The following ZNF277 variants were observed in gnomAD, a reference collection of about 807,000 sequenced individuals.
ZNF277 encodes nuclear receptor-interacting factor 4.
ZNF277 carries 55 observed loss-of-function variants against 60.7 expected under a neutral mutation model. The observed-to-expected ratio is 0.91, with a 90% CI of 0.73 to 1.13. The LOEUF (loss-of-function observed/expected upper bound fraction) is 1.13, where lower values mean the gene tolerates loss of function less well. ZNF277 is among the 50% of genes most tolerant of loss of function. The pLI is 0.00. For missense variants in ZNF277, 510 were observed against 523.0 expected, an observed-to-expected ratio of 0.98 and a Z score of 0.24; for synonymous variants, 178 against 179.3, an observed-to-expected ratio of 0.99 and a Z score of 0.06.
chr7:112,301,263 A>G (rs1371106624), intron 4 of ZNF277, among the ~76,000 whole-genome samples: 1 of 151,884 alleles, frequency 6.6e-6, no homozygotes, highest in African/African-American at 2.4e-5. Flanking sequence ...TCAGCCTCCT[A>G]AGGTGCTGGA....
At chr7:112,267,071 A>G (rs1423857101) in intron 1 of ZNF277, among the ~76,000 whole-genome samples, 2 of 152,182 alleles carry the variant, frequency 1.3e-5, no homozygotes, top group African/African-American at 2.4e-5. Flanking sequence ...AAAGTATTAT[A>G]ACAATATTCT....
rs140384013 is a variant in ZNF277, at chr7:112,286,979, T to C, written c.198T>C (p.His66=). 3.1e-5 allele frequency: 50 copies of C among 1,613,840 alleles called. No individual in the cohort carries two copies. In the Middle Eastern group the frequency reaches 2.1e-3, roughly 69 times the overall value. ...PSVPCIFCEE[H]FPVAEQDKLL... ...TGCCTTGTATTTTCTGTGAAGAACA[T>C]TTTCCTGTGGCTGAACAAGACAAAC... Residue 66 remains histidine (H), a synonymous_variant, in exon 2 of 12, where the codon CAT becomes CAC. Transcript: ENST00000361822.
At chr7:112,280,233 AT>A (rs1381138952) in intron 1 of ZNF277, among the ~76,000 whole-genome samples, 1 of 151,772 alleles carries the variant, frequency 6.6e-6, no homozygotes, top group African/African-American at 2.4e-5. Context: ...CTGAATCAGG[AT>A]CTGCATTTTA....
At chr7:112,214,190 G>A (rs557492998) in intron 1 of ZNF277, among the ~76,000 whole-genome samples, 90 of 152,226 alleles carry the variant, frequency 5.9e-4, no homozygotes, top group African/African-American at 1.9e-3. Context: ...CTTCCATCTG[G>A]AAAAACTGTA....
At chr7:112,319,107 C>T (rs1792916306) in intron 5 of ZNF277, among the ~76,000 whole-genome samples, 1 of 152,042 alleles carries the variant, frequency 6.6e-6, no homozygotes, top group Non-Finnish European at 1.5e-5. Context: ...GCAACCTACT[C>T]TGAGTTTTGG....
Position 112,340,753 on chromosome 7 carries a change from T to A in ZNF277, c.1010-119T>A, listed in dbSNP as rs1050847106. 6.3e-6 allele frequency: 5 copies of A among 798,290 alleles called. No individual in the cohort carries two copies. The Admixed American group carries it at 1.3e-4, about 21-fold the overall frequency. The allele number at this position is 798,290 out of a possible 1,614,324, so 49.5% of individuals were successfully genotyped here. ...ATTTGGTATCTATTATTATGCTTTA[T>A]AATTGTACTGCCTCTTCAGGTTGAT... On this transcript the variant is annotated intron_variant, in intron 10 of 11. Coordinates refer to ENST00000361822, the MANE Select transcript of ZNF277 (RefSeq NM_021994.3).
At chr7:112,210,759 A>G (rs1476212420) in intron 1 of ZNF277, among the ~76,000 whole-genome samples, 1 of 152,206 alleles carries the variant, frequency 6.6e-6, no homozygotes, top group African/African-American at 2.4e-5. Context: ...GGCGTGAGCT[A>G]CTGCACCTGG....
intron 1 of ZNF277, among the ~76,000 whole-genome samples, chr7:112,218,395 T>C (rs568413847): frequency 1.3e-5 from 2 of 152,242 alleles, no homozygotes; most frequent in Non-Finnish European, 2.9e-5. Flanking sequence ...TACAGCATGA[T>C]GTTTTGATAT....
intron 1 of ZNF277, among the ~76,000 whole-genome samples, chr7:112,245,807 C>G (rs1236320709): frequency 6.6e-6 from 1 of 152,148 alleles, no homozygotes; most frequent in African/African-American, 2.4e-5. Flanking sequence ...ACTTGATTAC[C>G]TCTGTAGAGA....
At chr7:112,219,258 T>C (rs1054197795) in intron 1 of ZNF277, among the ~76,000 whole-genome samples, 1 of 152,248 alleles carries the variant, frequency 6.6e-6, no homozygotes, top group African/African-American at 2.4e-5. Flanking sequence ...TTTAGTTGCC[T>C]GTGCTTTTGG....
intron 1 of ZNF277, among the ~76,000 whole-genome samples, chr7:112,217,879 G>A (rs1420525874): frequency 6.6e-6 from 1 of 152,050 alleles, no homozygotes; most frequent in Non-Finnish European, 1.5e-5. Flanking sequence ...TGGTACCACC[G>A]TATCAATAAA....
chr7:112,287,164 G>C, intron 2 of ZNF277, 90 bp downstream of exon 2: 2 of 1,368,262 alleles, frequency 1.5e-6, no homozygotes, highest in Non-Finnish European at 2.0e-6. Flanking sequence ...AGGCCAAAGT[G>C]GGAGGATCAC....
At chr7:112,272,484 G>A (rs893485622) in intron 1 of ZNF277, among the ~76,000 whole-genome samples, 1 of 152,020 alleles carries the variant, frequency 6.6e-6, no homozygotes. Context: ...AGTTGTTTTT[G>A]TTTGTTTGTT....
intron 11 of ZNF277, among the ~76,000 whole-genome samples, chr7:112,341,330 T>C (rs758062105): frequency 2.0e-5 from 3 of 152,228 alleles, no homozygotes; most frequent in Non-Finnish European, 4.4e-5. Context: ...TATATTTTAT[T>C]AACAAAATAT....
intron 1 of ZNF277, among the ~76,000 whole-genome samples, chr7:112,265,617 G>C (rs931046836): frequency 1.3e-5 from 2 of 152,106 alleles, no homozygotes; most frequent in East Asian, 3.9e-4. Context: ...TCTGTACAGG[G>C]TTGCCACAAA....
At chr7:112,315,864 G>A (rs768480528) in intron 4 of ZNF277, among the ~76,000 whole-genome samples, 72 of 152,030 alleles carry the variant, frequency 4.7e-4, no homozygotes, top group Non-Finnish European at 5.4e-4. Context: ...TCATCTCAAT[G>A]AGGCTTCCGT....
chr7:112,232,050 T>TAC (rs1822350836), intron 1 of ZNF277, among the ~76,000 whole-genome samples: 1 of 7,268 alleles, frequency 1.4e-4, no homozygotes, highest in African/African-American at 1.8e-4. Flanking sequence ...TACATATATA[T>TAC]ATATATATAT....
At chr7:112,335,981 C>T in intron 7 of ZNF277, 123 bp from the exon 8 acceptor site, 1 of 699,796 alleles carries the variant, frequency 1.4e-6, no homozygotes, top group Non-Finnish European at 2.3e-6. Context: ...TGTACTGTTT[C>T]AAAACCATTT....
chr7:112,239,257 T>G (rs2116990615), intron 1 of ZNF277, among the ~76,000 whole-genome samples: 1 of 152,306 alleles, frequency 6.6e-6, no homozygotes, highest in Non-Finnish European at 1.5e-5. Flanking sequence ...AAGTTTCCAG[T>G]TCTAAGCCCT....
Sources: allele counts gnomAD v4.1 joint callset (sites outside exome capture counted in the v4.1 genomes callset), GRCh38; gene constraint gnomAD v4.1.1; transcripts MANE v1.5; gene names NCBI Gene and HGNC (gene_info 2026-07-23, HGNC 2026-07-21).